C2orf42: variants seen among roughly 807,000 people sequenced by gnomAD.
The protein encoded by C2orf42 is uncharacterized protein C2orf42.
Under a neutral mutation model 58.9 loss-of-function variants are expected in C2orf42, and 44 were observed. The ratio of observed to expected loss-of-function variants is 0.75; its 90% confidence interval spans 0.59 to 0.96. C2orf42 has a LOEUF of 0.96. C2orf42 is among the 40% of genes least tolerant of loss of function. The probability of loss-of-function intolerance (pLI) is 0.00; values close to 1 mark genes in which losing one functional copy is unlikely to be tolerated. For synonymous variants in C2orf42, 239 were observed against 265.4 expected (o/e 0.90, Z 0.97); for missense variants, 630 against 699.2 (o/e 0.90, Z 1.12).
At chr2:70,158,198 C>CA (rs545342436) in intron 9 of C2orf42, among the ~76,000 whole-genome samples, 1,214 of 74,552 alleles carry the variant, frequency 0.016, 14 homozygotes, top group African/African-American at 0.055. Flanking sequence ...GACTCGGTCT[C>CA]AAAAAAAAAA....
intron 9 of C2orf42, among the ~76,000 whole-genome samples, chr2:70,160,243 G>A (rs946872250): frequency 6.6e-6 from 1 of 151,376 alleles, no homozygotes; most frequent in East Asian, 1.9e-4. Context: ...GGGTTCAAGC[G>A]ATTCTTGTGC....
intron 5 of C2orf42, among the ~76,000 whole-genome samples, chr2:70,170,231 T>G (rs746487031): frequency 7.4e-5 from 11 of 148,286 alleles, no homozygotes; most frequent in Non-Finnish European, 1.2e-4. Context: ...GCAAATAAAC[T>G]AAGTGAAATA....
At chr2:70,189,070 T>C (rs886377752) in intron 1 of C2orf42, among the ~76,000 whole-genome samples, 3 of 152,084 alleles carry the variant, frequency 2.0e-5, no homozygotes, top group East Asian at 3.9e-4. Flanking sequence ...GCCTACAAAA[T>C]GGAATACTTC....
intron 5 of C2orf42, among the ~76,000 whole-genome samples, chr2:70,173,114 G>A (rs146461035): frequency 1.8e-3 from 278 of 152,028 alleles, no homozygotes; most frequent in African/African-American, 5.9e-3. Flanking sequence ...CTGAGATCAC[G>A]CCATTGCACT....
chr2:70,185,043 T>A (rs1674840572), intron 1 of C2orf42, among the ~76,000 whole-genome samples: 1 of 149,986 alleles, frequency 6.7e-6, no homozygotes, highest in Non-Finnish European at 1.5e-5. Flanking sequence ...TGAACCGAGA[T>A]CATGCCACTG....
intron 9 of C2orf42, among the ~76,000 whole-genome samples, chr2:70,158,608 C>T (rs1360911481): frequency 6.6e-6 from 1 of 152,070 alleles, no homozygotes; most frequent in Non-Finnish European, 1.5e-5. Flanking sequence ...CACCACCACA[C>T]CCAGCTAATG....
rs937167232 is a variant in C2orf42 at position 70,150,237 on chromosome 2, C to G, written c.*119G>C. 3 of 785,292 alleles carry G rather than the reference C, an allele frequency of 3.8e-6. No homozygotes were observed. The Admixed American group carries it at 6.9e-5, about 18-fold the overall frequency. The allele number at this position is 785,292 out of a possible 1,614,324, so 48.6% of individuals were successfully genotyped here. A position where few individuals can be genotyped will look rare whatever the true frequency, so the allele number is the denominator to read the frequency against. ...ACTTGAAAGCACTGAGAATTTGCATCTTAGCTAAGAGCAGTTTACCAAGGA... is the reference window on the plus strand; with the variant it reads ...ACTTGAAAGCACTGAGAATTTGCATGTTAGCTAAGAGCAGTTTACCAAGGA... On this transcript the variant is annotated 3_prime_UTR_variant, in exon 10 of 10. Transcript: ENST00000264434.
intron 1 of C2orf42, among the ~76,000 whole-genome samples, chr2:70,188,886 T>C (rs549519527): frequency 6.6e-6 from 1 of 152,328 alleles, no homozygotes; most frequent in Non-Finnish European, 1.5e-5. Context: ...ATATTTTGAT[T>C]TGATATTCTG....
At chr2:70,184,202 G>C (rs1674771893) in intron 1 of C2orf42, among the ~76,000 whole-genome samples, 2 of 102,556 alleles carry the variant, frequency 2.0e-5, no homozygotes, top group South Asian at 5.2e-4. Flanking sequence ...TTTCCAATTT[G>C]TTAATCAGTG....
At position 70,180,628 on chromosome 2, in the gene C2orf42, AAAAT is replaced by A. The variant is rs1257626882; in HGVS notation, c.823+531_823+534del. Among the ~76,000 whole-genome samples the A allele has an allele frequency of 8.6e-5, 13 of 150,828 alleles. No homozygotes were observed. The East Asian group carries it at 2.5e-3, about 29-fold the overall frequency. On this transcript the variant is annotated intron_variant, in intron 3 of 9. Coordinates refer to ENST00000264434, the MANE Select transcript of C2orf42 (RefSeq NM_017880.3). ...GTCTCAAAAAAAAAAAAAAAAAAAA[AAAAT>A]CAAGAGATTCTGTCTCTTGATCATT...
intron 4 of C2orf42, among the ~76,000 whole-genome samples, chr2:70,177,650 C>T (rs574556371): frequency 3.3e-5 from 5 of 152,308 alleles, no homozygotes; most frequent in Admixed American, 3.3e-4. Context: ...ACAGATACTA[C>T]AAGCTATATA....
chr2:70,174,041 C>T (rs931567021), intron 5 of C2orf42, among the ~76,000 whole-genome samples: 3 of 152,152 alleles, frequency 2.0e-5, no homozygotes, highest in African/African-American at 7.2e-5. Context: ...GTCGTGGTGG[C>T]TCACACCTGT....
At chr2:70,161,762 C>T (rs1452512773) in intron 8 of C2orf42, among the ~76,000 whole-genome samples, 1 of 151,092 alleles carries the variant, frequency 6.6e-6, no homozygotes, top group African/African-American at 2.4e-5. Flanking sequence ...ATCGCTTGAA[C>T]CTGGGAGGTG....
chr2:70,173,959 T>G (rs992514517), intron 5 of C2orf42, among the ~76,000 whole-genome samples: 1 of 152,148 alleles, frequency 6.6e-6, no homozygotes, highest in Non-Finnish European at 1.5e-5. Flanking sequence ...AGCAATAAGA[T>G]GAACACATCC....
intron 6 of C2orf42, among the ~76,000 whole-genome samples, chr2:70,166,504 A>G (rs1468223661): frequency 8.4e-6 from 1 of 119,290 alleles, no homozygotes; most frequent in Non-Finnish European, 1.7e-5. Flanking sequence ...CATCTCTACT[A>G]AAAAAAAAAA....
intron 8 of C2orf42, among the ~76,000 whole-genome samples, chr2:70,163,227 A>T (rs2104875247): frequency 6.6e-6 from 1 of 151,070 alleles, no homozygotes; most frequent in East Asian, 2.0e-4. Flanking sequence ...GATTTTCAGG[A>T]TCTACTTGAA....
In C2orf42 at chr2:70,181,681, ACTGT is replaced by A; in HGVS notation, c.301_304del (p.Thr101TrpfsTer9). ...CAGCTGAGTGATGATCGTCCCATCC[ACTGT>A]CTGGATTGTTGTCTCTGAAACCCCG... is the stretch of plus-strand genomic sequence containing the variant. On this transcript the variant is annotated frameshift_variant, in exon 3 of 10. Coordinates refer to ENST00000264434, the MANE Select transcript of C2orf42 (RefSeq NM_017880.3). LOFTEE classifies it high-confidence loss of function. The A allele has an allele frequency of 6.2e-7, 1 of 1,614,168 alleles. No homozygotes were observed. Among genetic ancestry groups the A allele is most frequent in the Non-Finnish European group, 8.5e-7 (1 of 1,180,032 alleles).
chr2:70,187,157 G>C (rs1043712228), intron 1 of C2orf42, among the ~76,000 whole-genome samples: 1 of 152,162 alleles, frequency 6.6e-6, no homozygotes, highest in African/African-American at 2.4e-5. Flanking sequence ...CATTAAGGGA[G>C]GAGGTGGTTT....
intron 1 of C2orf42, among the ~76,000 whole-genome samples, chr2:70,189,623 A>T (rs1675196086): frequency 6.7e-6 from 1 of 150,098 alleles, no homozygotes; most frequent in African/African-American, 2.5e-5. Flanking sequence ...AGGCTGAGGC[A>T]GGAGAATGGC....
Sources: gnomAD v4.1 joint callset for allele counts (sites outside exome capture counted in the v4.1 genomes callset) on GRCh38, gnomAD v4.1.1 for gene constraint, MANE v1.5 for transcripts, NCBI Gene and HGNC (gene_info 2026-07-23, HGNC 2026-07-21) for gene names.